The following INSL6 variants were observed in gnomAD, a reference collection of about 807,000 sequenced individuals.
INSL6 encodes the protein insulin like 6.
Under a neutral mutation model 9.4 loss-of-function variants are expected in INSL6, and 16 were observed. The ratio of observed to expected loss-of-function variants is 1.70; its 90% CI spans 1.15 to 2.59. INSL6 has a LOEUF of 2.59. Ranked by LOEUF, INSL6 falls within the 30% of genes most tolerant of loss-of-function variation. The pLI is 0.00. For missense variants in INSL6, 391 were observed against 257.3 expected (o/e 1.52, Z -3.56); for synonymous variants, 154 against 96.9 (o/e 1.59, Z -3.46).
the INSL6 span, among the ~76,000 whole-genome samples, chr9:5,028,833 G>T: frequency 6.6e-6 from 1 of 152,166 alleles, no homozygotes; most frequent in South Asian, 2.1e-4. Context: ...GACAATTAGG[G>T]CCTTGCTCTG....
At chr9:5,081,987 T>A in the INSL6 span, 2 of 777,716 alleles carry the variant, frequency 2.6e-6, no homozygotes, top group Non-Finnish European at 4.1e-6. Context: ...GGTTTGGTTG[T>A]CAGATGTTGG....
At chr9:5,008,131 ATTTG>A in the INSL6 span, among the ~76,000 whole-genome samples, 17 of 152,188 alleles carry the variant, frequency 1.1e-4, no homozygotes, top group African/African-American at 4.1e-4. Flanking sequence ...CAGTGTTGCT[ATTTG>A]TTCAGTACTT....
the INSL6 span, among the ~76,000 whole-genome samples, chr9:5,010,061 C>T: frequency 6.6e-6 from 1 of 152,150 alleles, no homozygotes. Flanking sequence ...CATGAGCCAT[C>T]GCACCTAGCC....
At chr9:5,011,504 T>C in the INSL6 span, among the ~76,000 whole-genome samples, 1 of 152,216 alleles carries the variant, frequency 6.6e-6, no homozygotes, top group African/African-American at 2.4e-5. Flanking sequence ...TTTCTTGATA[T>C]TGTAGAGTTT....
chr9:5,021,513 A>G, the INSL6 span, among the ~76,000 whole-genome samples: 35 of 152,374 alleles, frequency 2.3e-4, no homozygotes, highest in Admixed American at 1.1e-3. Context: ...TGTATGTAGT[A>G]ATACACGATA....
the INSL6 span, chr9:5,094,559 T>A: frequency 1.3e-5 from 2 of 151,986 alleles, no homozygotes; most frequent in African/African-American, 4.8e-5. Context: ...TCAACTTATA[T>A]GCATGCATCA....
chr9:5,158,705 A>T (rs1824865301), intron 2 of INSL6, among the ~76,000 whole-genome samples: 1 of 152,184 alleles, frequency 6.6e-6, no homozygotes, highest in Non-Finnish European at 1.5e-5. Context: ...AAAAGAAAAA[A>T]TGCTGAGGAG....
chr9:5,130,595 G>A (rs1824254800), intron 3 of INSL6, among the ~76,000 whole-genome samples: 1 of 151,932 alleles, frequency 6.6e-6, no homozygotes. Context: ...ATGTTTAGGT[G>A]CTTTTCATAC....
chr9:4,997,494 A>G, the INSL6 span, among the ~76,000 whole-genome samples: 7 of 152,174 alleles, frequency 4.6e-5, no homozygotes, highest in African/African-American at 1.7e-4. Flanking sequence ...GCAAGAACTC[A>G]GTATCTTCAG....
chr9:5,180,240 C>T (rs900567862), intron 1 of INSL6, among the ~76,000 whole-genome samples: 6 of 152,170 alleles, frequency 3.9e-5, no homozygotes, highest in African/African-American at 1.4e-4. Flanking sequence ...TATGTCACCT[C>T]AGGACCACTG....
chr9:5,129,524 A>T (rs1412849130), intron 3 of INSL6, among the ~76,000 whole-genome samples: 1 of 152,134 alleles, frequency 6.6e-6, no homozygotes, highest in South Asian at 2.1e-4. Context: ...ATTTGGGGGC[A>T]TAATGTACTA....
chr9:4,996,009 C>G, the INSL6 span, among the ~76,000 whole-genome samples: 1 of 152,190 alleles, frequency 6.6e-6, no homozygotes, highest in East Asian at 1.9e-4. Context: ...CTGAGGGAAG[C>G]TTGTCATTTC....
chr9:5,071,820 T>A, the INSL6 span, among the ~76,000 whole-genome samples: 2 of 152,274 alleles, frequency 1.3e-5, no homozygotes, highest in African/African-American at 4.8e-5. Context: ...TAATAAATAG[T>A]AGACCTTGGA....
the INSL6 span, among the ~76,000 whole-genome samples, chr9:5,006,032 A>G: frequency 6.6e-6 from 1 of 152,198 alleles, no homozygotes; most frequent in Non-Finnish European, 1.5e-5. Flanking sequence ...TCTGTGAAGA[A>G]AGTCATTGGT....
At chr9:5,123,775 A>G (rs1823789224), downstream of INSL6, among the ~76,000 whole-genome samples, 1 of 152,048 alleles carries the variant, frequency 6.6e-6, no homozygotes, top group Non-Finnish European at 1.5e-5. Flanking sequence ...CCAACAGTGT[A>G]TAAGAGTTCC....
intron 1 of INSL6, among the ~76,000 whole-genome samples, chr9:5,165,444 T>C (rs2130906655): frequency 6.6e-6 from 1 of 152,238 alleles, no homozygotes; most frequent in East Asian, 1.9e-4. Flanking sequence ...AAACTTGACA[T>C]TTTCCATTTT....
the INSL6 span, chr9:5,080,135 T>G: frequency 1.0e-6 from 1 of 987,704 alleles, no homozygotes; most frequent in Non-Finnish European, 1.5e-6. Flanking sequence ...TAGGCCTGAT[T>G]ATTCAAATGA....
At chr9:5,121,994 T>C (rs910341710), downstream of INSL6, among the ~76,000 whole-genome samples, 1 of 152,140 alleles carries the variant, frequency 6.6e-6, no homozygotes, top group African/African-American at 2.4e-5. Flanking sequence ...TATGTAAAAT[T>C]TGTAAAGACT....
chr9:5,090,685 T>C, the INSL6 span: 6 of 1,541,748 alleles, frequency 3.9e-6, no homozygotes, highest in African/African-American at 4.2e-5. Context: ...GTTAAGACCA[T>C]TTAAATTGTT....
Sources: gnomAD v4.1 joint callset for allele counts (sites outside exome capture counted in the v4.1 genomes callset) on GRCh38, gnomAD v4.1.1 for gene constraint, MANE v1.5 for transcripts, NCBI Gene and HGNC (gene_info 2026-07-23, HGNC 2026-07-21) for gene names.